Variants in ANAPC10 observed in about 807,000 individuals in gnomAD.
The protein encoded by ANAPC10 is anaphase-promoting complex subunit 10.
Under a neutral mutation model 22.0 loss-of-function variants are expected in ANAPC10, and 12 were observed. That is an observed-to-expected ratio of 0.55 (90% CI 0.35 to 0.88). ANAPC10 has a LOEUF of 0.88. ANAPC10 is among the 40% of genes least tolerant of loss of function. The pLI is 0.01. For synonymous variants in ANAPC10, 65 were observed against 69.5 expected, an observed-to-expected ratio of 0.94 and a Z score of 0.32; for missense variants, 188 against 220.9, an observed-to-expected ratio of 0.85 and a Z score of 0.94.
chr4:145,056,538 A>C (rs1742096317), intron 4 of ANAPC10, among the ~76,000 whole-genome samples: 1 of 152,148 alleles, frequency 6.6e-6, no homozygotes, highest in African/African-American at 2.4e-5. Flanking sequence ...TGCGCAAGAT[A>C]TAAGAACCCC....
chr4:145,071,438 A>T (rs1265016501), intron 3 of ANAPC10, among the ~76,000 whole-genome samples: 3 of 152,174 alleles, frequency 2.0e-5, no homozygotes, highest in Non-Finnish European at 4.4e-5. Context: ...AGGCTATAAC[A>T]GTAAACTTAT....
At chr4:145,094,150 A>G (rs149304632) in intron 2 of ANAPC10, among the ~76,000 whole-genome samples, 1 of 152,364 alleles carries the variant, frequency 6.6e-6, no homozygotes, top group African/African-American at 2.4e-5. Flanking sequence ...CATATTGTGG[A>G]ACAGTAATCA....
rs75363671 is a variant in ANAPC10, at chr4:145,057,238, T to G, written c.327+7334A>C. ...CCCAATCTATAAATTTAGAAACAAT[T>G]ACTCCAAAGAGTGCTTAAACAAGTT... On this transcript the variant is annotated intron_variant, in intron 4 of 4. Transcript: ENST00000507656. Among the ~76,000 whole-genome samples the G allele has an allele frequency of 2.9e-3, 446 of 152,274 alleles. 2 individuals carry two copies. The highest frequency in any genetic ancestry group is 0.01 in the African/African-American group (417 of 41,548).
At chr4:145,053,724 C>A (rs1741468341) in intron 4 of ANAPC10, 1 of 634,950 alleles carries the variant, frequency 1.6e-6, no homozygotes. Context: ...TATTCTCATT[C>A]CTTTATCCTG....
chr4:145,083,049 T>C (rs1746309158), intron 2 of ANAPC10, among the ~76,000 whole-genome samples: 1 of 152,172 alleles, frequency 6.6e-6, no homozygotes, highest in African/African-American at 2.4e-5. Flanking sequence ...AAACAAATGA[T>C]AGCATACAGT....
chr4:145,014,553 C>T (rs1734818911), intron 4 of ANAPC10, among the ~76,000 whole-genome samples: 1 of 152,004 alleles, frequency 6.6e-6, no homozygotes, highest in Non-Finnish European at 1.5e-5. Flanking sequence ...TTCTAGGCCC[C>T]CCGCCCACCG....
chr4:145,048,501 T>C (rs539252598), intron 4 of ANAPC10, among the ~76,000 whole-genome samples: 1 of 152,260 alleles, frequency 6.6e-6, no homozygotes, highest in South Asian at 2.1e-4. Flanking sequence ...TACAGATTCA[T>C]TTCCAAAGGG....
intron 4 of ANAPC10, among the ~76,000 whole-genome samples, chr4:145,034,555 G>A (rs1188955200): frequency 1.4e-3 from 173 of 119,408 alleles, no homozygotes; most frequent in African/African-American, 3.9e-3. Flanking sequence ...GTGTGTGTGT[G>A]TGTGTGTGTG....
chr4:145,090,207 C>T (rs569002029), intron 2 of ANAPC10, among the ~76,000 whole-genome samples: 1 of 152,110 alleles, frequency 6.6e-6, no homozygotes, highest in Non-Finnish European at 1.5e-5. Context: ...CTCTTGTATA[C>T]TTCAAATCAT....
At chr4:145,056,887 T>C (rs1442139179) in intron 4 of ANAPC10, among the ~76,000 whole-genome samples, 1 of 152,192 alleles carries the variant, frequency 6.6e-6, no homozygotes, top group South Asian at 2.1e-4. Flanking sequence ...TATCCTGTCA[T>C]ATGGTTAAAT....
At chr4:145,081,867 T>C (rs1216875315) in intron 2 of ANAPC10, 117 bp from the exon 3 acceptor site, 2 of 765,566 alleles carry the variant, frequency 2.6e-6, no homozygotes, top group East Asian at 5.5e-5. Flanking sequence ...AGGTCAGAAA[T>C]ATTAATTTTT....
chr4:145,037,197 T>C (rs1025136257), intron 4 of ANAPC10, among the ~76,000 whole-genome samples: 10 of 152,144 alleles, frequency 6.6e-5, no homozygotes, highest in African/African-American at 2.4e-4. Flanking sequence ...AACATCACGA[T>C]TTGCTGCTAC....
At chr4:145,097,863 T>A (rs1291107815) in intron 1 of ANAPC10, 3 of 329,910 alleles carry the variant, frequency 9.1e-6, no homozygotes, top group Non-Finnish European at 1.8e-5. Flanking sequence ...TCGGAAAAGA[T>A]TGGATTCCCG....
intron 4 of ANAPC10, among the ~76,000 whole-genome samples, chr4:145,048,056 T>A (rs1740583599): frequency 6.6e-6 from 1 of 152,172 alleles, no homozygotes; most frequent in Non-Finnish European, 1.5e-5. Context: ...TAAGATCACA[T>A]GCTTATATCA....
At chr4:145,094,367 T>C (rs1195157158) in intron 2 of ANAPC10, among the ~76,000 whole-genome samples, 3 of 152,200 alleles carry the variant, frequency 2.0e-5, no homozygotes, top group Non-Finnish European at 4.4e-5. Context: ...GAGGGAACTT[T>C]GTGGGATGAT....
At chr4:145,006,151 T>C (rs1205863389) in intron 4 of ANAPC10, among the ~76,000 whole-genome samples, 1 of 152,206 alleles carries the variant, frequency 6.6e-6, no homozygotes, top group Non-Finnish European at 1.5e-5. Flanking sequence ...TGACTGCATA[T>C]ATATTTAGGG....
Position 145,012,563 on chromosome 4 carries a change from C to T in ANAPC10, c.328-16960G>A, listed in dbSNP as rs35525609. ...AGCAGATTATACATACATCATAAGA[C>T]AAAATGGATAAATTCCTTGAAAAAT... On this transcript the variant is annotated intron_variant, in intron 4 of 4. Coordinates refer to ENST00000507656, the MANE Select transcript of ANAPC10 (RefSeq NM_001256706.2). Among the ~76,000 whole-genome samples the T allele has an allele frequency of 7.0e-4, 106 of 152,068 alleles. 2 individuals are homozygous for T. Among genetic ancestry groups the T allele is most frequent in the Admixed American group, 5.8e-3 (89 of 15,284 alleles).
chr4:145,063,527 C>G (rs1031797032), intron 4 of ANAPC10, among the ~76,000 whole-genome samples: 6 of 152,048 alleles, frequency 3.9e-5, no homozygotes, highest in African/African-American at 1.4e-4. Context: ...AGAGCCAAGA[C>G]CACAAATTAA....
At chr4:145,095,494 A>G (rs1246021610) in intron 2 of ANAPC10, among the ~76,000 whole-genome samples, 1 of 152,112 alleles carries the variant, frequency 6.6e-6, no homozygotes, top group East Asian at 1.9e-4. Context: ...AATCATCAAC[A>G]TCATCGTGGC....
Sources: gnomAD v4.1 joint callset for allele counts (sites outside exome capture counted in the v4.1 genomes callset) on GRCh38, gnomAD v4.1.1 for gene constraint, MANE v1.5 for transcripts, NCBI Gene and HGNC (gene_info 2026-07-23, HGNC 2026-07-21) for gene names.